The following ACCSL variants were observed in gnomAD, a reference collection of about 807,000 sequenced individuals.
ACCSL encodes the protein probable inactive 1-aminocyclopropane-1-carboxylate synthase-like protein 2.
ACCSL carries 55 observed loss-of-function variants against 61.7 expected under a neutral mutation model. The observed-to-expected ratio is 0.89, with a 90% confidence interval of 0.72 to 1.12. The LOEUF is 1.12. Among genes scored for constraint, ACCSL ranks in the 50% most tolerant of loss-of-function variants. The pLI is 0.00. For synonymous variants in ACCSL, 258 were observed against 264.3 expected (o/e 0.98, Z 0.23); for missense variants, 632 against 698.0 (o/e 0.91, Z 1.07).
At chr11:44,020,299 T>C in the ACCSL span, among the ~76,000 whole-genome samples, 6 of 152,224 alleles carry the variant, frequency 3.9e-5, no homozygotes, top group African/African-American at 7.2e-5. Flanking sequence ...TCCTTTTTTT[T>C]CCACAGCCTG....
chr11:43,976,964 C>T, the ACCSL span, among the ~76,000 whole-genome samples: 3 of 152,152 alleles, frequency 2.0e-5, no homozygotes, highest in South Asian at 4.1e-4. Context: ...GGTAAATAAT[C>T]GGTGGGCCAG....
the ACCSL span, among the ~76,000 whole-genome samples, chr11:44,041,734 G>A: frequency 6.6e-6 from 1 of 152,200 alleles, no homozygotes; most frequent in Non-Finnish European, 1.5e-5. Flanking sequence ...GGCTGAGACT[G>A]CTGGTACAAT....
chr11:43,968,234 G>A, the ACCSL span, among the ~76,000 whole-genome samples: 1 of 149,430 alleles, frequency 6.7e-6, no homozygotes, highest in Non-Finnish European at 1.5e-5. Context: ...GCTTTAGGGT[G>A]AGACCCTTTA....
At chr11:44,051,481 G>T in intron 4 of ACCSL, 77 bp downstream of exon 4, 1 of 1,580,514 alleles carries the variant, frequency 6.3e-7, no homozygotes, top group East Asian at 2.2e-5. Context: ...CTTTCTAGGG[G>T]GTACAAGGAG....
At chr11:43,944,587 CT>C in the ACCSL span, 1 of 152,540 alleles carries the variant, frequency 6.6e-6, no homozygotes, top group Non-Finnish European at 1.5e-5. Context: ...CTCCCCGCCC[CT>C]GCCTTTGTTT....
At chr11:43,967,665 A>C in the ACCSL span, among the ~76,000 whole-genome samples, 1 of 151,862 alleles carries the variant, frequency 6.6e-6, no homozygotes, top group Admixed American at 6.6e-5. Context: ...TTTTTTTCTC[A>C]GCAGCATTCT....
the ACCSL span, among the ~76,000 whole-genome samples, chr11:44,035,956 A>AC: frequency 6.6e-6 from 1 of 151,766 alleles, no homozygotes; most frequent in Middle Eastern, 3.4e-3. Context: ...AAAAAAAAAA[A>AC]AAAAGAAAGA....
At chr11:43,975,439 T>A in the ACCSL span, among the ~76,000 whole-genome samples, 1 of 152,194 alleles carries the variant, frequency 6.6e-6, no homozygotes, top group Non-Finnish European at 1.5e-5. Context: ...AGGAGGAGCC[T>A]CAGAATACTA....
intron 11 of ACCSL, among the ~76,000 whole-genome samples, chr11:44,057,569 AAG>A (rs1422507254): frequency 1.3e-5 from 2 of 152,238 alleles, no homozygotes; most frequent in African/African-American, 4.8e-5. Context: ...ACAGCTCCCC[AAG>A]TGGTTCTGTT....
the ACCSL span, among the ~76,000 whole-genome samples, chr11:44,042,649 TG>T: frequency 3.7e-5 from 5 of 133,432 alleles, no homozygotes; most frequent in East Asian, 2.5e-4. Flanking sequence ...TTGTTTTGTT[TG>T]TTTTTTTTGT....
At chr11:43,987,004 T>C in the ACCSL span, among the ~76,000 whole-genome samples, 1 of 152,238 alleles carries the variant, frequency 6.6e-6, no homozygotes, top group African/African-American at 2.4e-5. Flanking sequence ...GTTCTAGCAA[T>C]TCCCCCACTC....
At chr11:44,014,641 G>T in the ACCSL span, among the ~76,000 whole-genome samples, 2 of 152,160 alleles carry the variant, frequency 1.3e-5, no homozygotes, top group African/African-American at 4.8e-5. Flanking sequence ...CTGCACAAGG[G>T]TATCACTACC....
chr11:44,046,664 T>C (rs972630639), upstream of ACCSL, among the ~76,000 whole-genome samples: 4 of 152,126 alleles, frequency 2.6e-5, no homozygotes, highest in Non-Finnish European at 4.4e-5. Flanking sequence ...GGTTTTTTTT[T>C]GTGTTTGTGT....
chr11:44,001,138 T>C, the ACCSL span: 1 of 152,144 alleles, frequency 6.6e-6, no homozygotes, highest in African/African-American at 2.4e-5. Context: ...ATGCATAAAA[T>C]AAATTCCCTC....
chr11:44,035,402 T>C, the ACCSL span, among the ~76,000 whole-genome samples: 8 of 152,272 alleles, frequency 5.3e-5, no homozygotes, highest in Middle Eastern at 0.01. Context: ...ACAGATGTCA[T>C]TTTCAACTGT....
chr11:44,045,936 G>C (rs546272646), upstream of ACCSL, among the ~76,000 whole-genome samples: 1 of 152,254 alleles, frequency 6.6e-6, no homozygotes, highest in East Asian at 1.9e-4. Flanking sequence ...ATAGCTTCTT[G>C]TTCATTGGAG....
At chr11:43,941,832 A>G in the ACCSL span, among the ~76,000 whole-genome samples, 1 of 152,144 alleles carries the variant, frequency 6.6e-6, no homozygotes, top group East Asian at 1.9e-4. Context: ...AACAGAGCTC[A>G]TGGTTGGCTT....
At chr11:43,940,649 C>T in the ACCSL span, among the ~76,000 whole-genome samples, 1 of 152,100 alleles carries the variant, frequency 6.6e-6, no homozygotes, top group Non-Finnish European at 1.5e-5. Context: ...CGTGAGCCAC[C>T]GCACCCGGCT....
At chr11:43,929,539 T>C in the ACCSL span, among the ~76,000 whole-genome samples, 2 of 152,220 alleles carry the variant, frequency 1.3e-5, 1 homozygote, top group Non-Finnish European at 2.9e-5. Flanking sequence ...CTTGAGTAGC[T>C]GGGATTACAG....
Sources: gnomAD v4.1 joint callset for allele counts (sites outside exome capture counted in the v4.1 genomes callset) on GRCh38, gnomAD v4.1.1 for gene constraint, MANE v1.5 for transcripts, NCBI Gene and HGNC (gene_info 2026-07-23, HGNC 2026-07-21) for gene names.